Variants in CCDC18 observed in about 807,000 individuals in gnomAD.
CCDC18 encodes the protein coiled-coil domain containing 18, also known as coiled-coil domain-containing protein 18.
In CCDC18, 157 loss-of-function variants were observed where a neutral mutation model predicts 196.0. That is an observed-to-expected ratio of 0.80 (90% CI 0.70 to 0.91). The LOEUF (loss-of-function observed/expected upper bound fraction) is 0.91, where lower values mean the gene tolerates loss of function less well. Ranked by LOEUF, CCDC18 falls within the 40% of genes least tolerant of loss-of-function variation. The probability of loss-of-function intolerance (pLI) is 0.00; values close to 1 mark genes in which losing one functional copy is unlikely to be tolerated. For missense variants in CCDC18, 1,465 were observed against 1,611.6 expected (o/e 0.91, Z 1.56); for synonymous variants, 482 against 529.2 (o/e 0.91, Z 1.22).
At chr1:93,191,552 T>C (rs1651807114) in intron 4 of CCDC18, among the ~76,000 whole-genome samples, 1 of 152,250 alleles carries the variant, frequency 6.6e-6, no homozygotes, top group African/African-American at 2.4e-5. Context: ...TTGTACTCTC[T>C]TTATTATACA....
At chr1:93,189,548 C>T (rs1651349164) in intron 4 of CCDC18, among the ~76,000 whole-genome samples, 1 of 152,224 alleles carries the variant, frequency 6.6e-6, no homozygotes, top group African/African-American at 2.4e-5. Flanking sequence ...AGCCTCCAAA[C>T]TGTTCTCCAT....
intron 6 of CCDC18, among the ~76,000 whole-genome samples, chr1:93,199,319 G>C (rs1034197176): frequency 6.6e-6 from 1 of 152,256 alleles, no homozygotes; most frequent in African/African-American, 2.4e-5. Flanking sequence ...CATGCCGGCT[G>C]TGGTGGTGTG....
chr1:93,265,254 G>GCACTT (rs1664341223), intron 27 of CCDC18, among the ~76,000 whole-genome samples: 1 of 152,124 alleles, frequency 6.6e-6, no homozygotes, highest in Non-Finnish European at 1.5e-5. Flanking sequence ...TGTATTCCCA[G>GCACTT]CACTTCAGGA....
Position 93,221,572 on chromosome 1 carries a change from A to T in CCDC18, c.1963-37A>T, listed in dbSNP as rs1657431534. On this transcript the variant is annotated intron_variant, in intron 14 of 28. Transcript: ENST00000690025. ...AATATTTAAAATGTTTCAAAATTTT[A>T]AAATATTTAATATGAAAATTCTGTT... 5 of 1,355,286 alleles carry T rather than the reference A, an allele frequency of 3.7e-6. No homozygotes were observed. In the East Asian group the frequency reaches 1.3e-4, roughly 36 times the overall value. 84.0% of individuals were successfully genotyped at this position (1,355,286 alleles called of 1,614,324 possible).
chr1:93,190,330 A>G (rs1328403812), intron 4 of CCDC18, among the ~76,000 whole-genome samples: 3 of 152,166 alleles, frequency 2.0e-5, no homozygotes, highest in Admixed American at 2.0e-4. Context: ...TCTACTAAAA[A>G]TACAAAAATT....
intron 14 of CCDC18, 63 bp downstream of exon 14, chr1:93,217,932 AT>A: frequency 7.4e-7 from 1 of 1,348,800 alleles, no homozygotes; most frequent in Non-Finnish European, 1.0e-6. Flanking sequence ...TAGCCCCAGC[AT>A]TTTTTATTTT....
At chr1:93,181,327 A>T (rs1272930485) in intron 1 of CCDC18, among the ~76,000 whole-genome samples, 1 of 150,950 alleles carries the variant, frequency 6.6e-6, no homozygotes, top group East Asian at 1.9e-4. Context: ...ACTACAGCCC[A>T]TTGTATCACA....
At chr1:93,207,646 C>A (rs894246730) in intron 9 of CCDC18, among the ~76,000 whole-genome samples, 1 of 151,984 alleles carries the variant, frequency 6.6e-6, no homozygotes, top group African/African-American at 2.4e-5. Flanking sequence ...GTTGAAGTAT[C>A]ATTTATATAC....
At position 93,207,079 on chromosome 1, in the gene CCDC18, T is replaced by G. The variant is rs1408544861; in HGVS notation, c.918-28T>G. 6 of 1,251,336 alleles carry G rather than the reference T, an allele frequency of 4.8e-6. No homozygotes were observed. The African/African-American group carries it at 9.1e-5, about 19-fold the overall frequency. The allele number at this position is 1,251,336 out of a possible 1,614,324, so 77.5% of individuals were successfully genotyped here. A position where few individuals can be genotyped will look rare whatever the true frequency, so the allele number is the denominator to read the frequency against. ...TAAAATGAATGCATATATATTTTAT[T>G]TTCATTTTTATTCTCTTTTCTTCAT... On this transcript the variant is annotated intron_variant, in intron 8 of 28. Transcript: ENST00000690025.
At chr1:93,269,461 T>TA (rs35716144) in intron 27 of CCDC18, among the ~76,000 whole-genome samples, 1,354 of 126,528 alleles carry the variant, frequency 0.011, 8 homozygotes, top group African/African-American at 0.017. Context: ...GATGAAGTAG[T>TA]AAAAAAAAAA....
intron 18 of CCDC18, among the ~76,000 whole-genome samples, chr1:93,233,808 G>A (rs1659606311): frequency 6.6e-6 from 1 of 152,156 alleles, no homozygotes; most frequent in South Asian, 2.1e-4. Context: ...ATGTTGGTCA[G>A]GCTCGTCTCA....
chr1:93,222,010 C>A, intron 16 of CCDC18, 74 bp downstream of exon 16: 1 of 1,054,378 alleles, frequency 9.5e-7, no homozygotes, highest in Non-Finnish European at 1.4e-6. Flanking sequence ...CTCTCATTTG[C>A]CTAGGCTGGA....
At chr1:93,226,209 T>C (rs72717339) in intron 16 of CCDC18, 124 bp from the exon 17 acceptor site, 5,251 of 460,872 alleles carry the variant, frequency 0.011, 81 homozygotes, top group Non-Finnish European at 0.011. Context: ...TGGCATTTTA[T>C]ATCCTAAGTA....
chr1:93,180,426 C>A, upstream of CCDC18: 1 of 1,280,932 alleles, frequency 7.8e-7, no homozygotes, highest in South Asian at 1.4e-5. Context: ...AGGGTAGGGA[C>A]TCTGGGCGGG....
At chr1:93,212,313 G>T in intron 11 of CCDC18, 52 bp downstream of exon 11, 9 of 1,200,840 alleles carry the variant, frequency 7.5e-6, no homozygotes, top group South Asian at 4.1e-5. Flanking sequence ...TTGGATGATA[G>T]TTTTTTTTTA....
rs1246496027 is a variant in CCDC18, at chr1:93,230,503, C to A, written c.2293-1923C>A. Among the ~76,000 whole-genome samples the A allele has an allele frequency of 8.0e-5, 12 of 149,372 alleles. No homozygotes were observed. In the South Asian group the frequency reaches 2.3e-3, roughly 29 times the overall value. On this transcript the variant is annotated intron_variant, in intron 17 of 28. Transcript: ENST00000690025. ...GAAGACTCCATCTCAAAAAAAAAAA[C>A]AAAAAACTAAAGCCGACTGGAGTTA... is the stretch of plus-strand genomic sequence containing the variant.
At position 93,216,622 on chromosome 1, in the gene CCDC18, CA is replaced by C; in HGVS notation, c.1720-12del. Reference sequence around the variant, plus strand: ...TTAAAAAATAATTTTACATTTATTTCAATGTGTTTTCAGATGACAAAGAAAT... The same window carrying C: ...TTAAAAAATAATTTTACATTTATTTCATGTGTTTTCAGATGACAAAGAAAT... On this transcript the variant is annotated splice_polypyrimidine_tract_variant and intron_variant, in intron 12 of 28. Transcript: ENST00000690025. The C allele has an allele frequency of 1.6e-6, 2 of 1,261,910 alleles. No individual in the cohort carries two copies. The highest frequency in any genetic ancestry group is 2.4e-5 in the East Asian group (1 of 40,872). 78.2% of individuals were successfully genotyped at this position (1,261,910 alleles called of 1,614,324 possible).
Position 93,278,726 on chromosome 1 carries a change from A to G in CCDC18, c.*249A>G. 2.9e-6 allele frequency: 1 copy of G among 341,018 alleles called. No homozygotes were observed. Among genetic ancestry groups the G allele is most frequent in the Non-Finnish European group, 5.2e-6 (1 of 192,876 alleles). The allele number at this position is 341,018 out of a possible 1,614,324, so 21.1% of individuals were successfully genotyped here. A position where few individuals can be genotyped will look rare whatever the true frequency, so the allele number is the denominator to read the frequency against. ...TTTTTATATAAAAATCATTGTTAAA[A>G]TGCATAAGTACATTGAGGAATGCAA... On this transcript the variant is annotated 3_prime_UTR_variant, in exon 29 of 29. Transcript: ENST00000690025.
chr1:93,234,934 A>AGTGT lies in CCDC18; in HGVS notation c.2461-1313_2461-1312insTGTG, dbSNP rs759186009. Among the ~76,000 whole-genome samples, 56 of 67,870 alleles carry AGTGT rather than the reference A, an allele frequency of 8.3e-4. 1 individual carries two copies. The highest frequency in any genetic ancestry group is 2.7e-3 in the South Asian group (6 of 2,226). 44.5% of individuals were successfully genotyped at this position (67,870 alleles called of 152,430 possible). ...AAGTGCATACCACCATGCCCAGCTA[A>AGTGT]GAGTGTGTGTGTGTGTGTGTGTGTG... On this transcript the variant is annotated intron_variant, in intron 18 of 28. Transcript: ENST00000690025.
Sources: allele counts gnomAD v4.1 joint callset (sites outside exome capture counted in the v4.1 genomes callset), GRCh38; gene constraint gnomAD v4.1.1; transcripts MANE v1.5; gene names NCBI Gene and HGNC (gene_info 2026-07-23, HGNC 2026-07-21).